The following UHRF1 variants were observed in gnomAD, a reference collection of about 807,000 sequenced individuals.
UHRF1 encodes ubiquitin like with PHD and ring finger domains 1.
In UHRF1, 9 loss-of-function variants were observed where a neutral mutation model predicts 96.5. That is an observed-to-expected ratio of 0.09 (90% CI 0.06 to 0.16). The LOEUF (loss-of-function observed/expected upper bound fraction) is 0.16, where lower values mean the gene tolerates loss of function less well. UHRF1 is among the 10% of genes least tolerant of loss of function. The pLI is 1.00. For missense variants in UHRF1, 626 were observed against 1,131.1 expected (o/e 0.55, Z 6.40); for synonymous variants, 455 against 469.9 (o/e 0.97, Z 0.41).
Position 4,950,654 on chromosome 19 carries a change from G to C in UHRF1, c.1561G>C (p.Gly521Arg). ...CTTTGCTCCCATCAATGACCAAGAA[G>C]GGGCCGAGGCCAAGGACTGGCGGTC... ...NCFAPINDQE[G>R]AEAKDWRSGK... Residue 521 changes from glycine to arginine, a missense_variant, in exon 12 of 17, where the codon GGG (glycine) becomes CGG (arginine). Transcript: ENST00000650932. 1 of 1,612,686 alleles carries C rather than the reference G, an allele frequency of 6.2e-7. No homozygotes were observed. The highest frequency in any genetic ancestry group is 8.5e-7 in the Non-Finnish European group (1 of 1,179,614).
chr19:4,932,076 G>A (rs1183411305), intron 4 of UHRF1, among the ~76,000 whole-genome samples: 1 of 151,998 alleles, frequency 6.6e-6, no homozygotes, highest in Non-Finnish European at 1.5e-5. Context: ...TTACAGGCAT[G>A]CGCCACCACG....
intron 4 of UHRF1, 84 bp from the exon 5 acceptor site, chr19:4,932,657 G>T: frequency 6.8e-7 from 1 of 1,478,282 alleles, no homozygotes; most frequent in African/African-American, 1.4e-5. Context: ...TGTCGGGAGG[G>T]GCCGTCCCAC....
chr19:4,928,345 T>G (rs1400019553), intron 2 of UHRF1, among the ~76,000 whole-genome samples: 2 of 151,264 alleles, frequency 1.3e-5, no homozygotes, highest in Admixed American at 6.6e-5. Flanking sequence ...GGGTCCTAGA[T>G]GGCAAACCAC....
chr19:4,938,735 T>TG (rs2033292702), intron 5 of UHRF1, among the ~76,000 whole-genome samples: 1 of 83,026 alleles, frequency 1.2e-5, no homozygotes, highest in Non-Finnish European at 2.3e-5. Flanking sequence ...GTCAGGTTTT[T>TG]TTTTTTTTTT....
At chr19:4,952,849 A>G (rs2033755090) in intron 13 of UHRF1, among the ~76,000 whole-genome samples, 1 of 152,096 alleles carries the variant, frequency 6.6e-6, no homozygotes, top group African/African-American at 2.4e-5. Flanking sequence ...CCTCAGAATC[A>G]CCAGAGTTTG....
rs370137822 is a variant in UHRF1, at chr19:4,932,924, G to A, written c.753G>A (p.Thr251=). 1.3e-3 allele frequency: 2,126 copies of A among 1,613,324 alleles called. 2 individuals carry two copies. The highest frequency in any genetic ancestry group is 1.7e-3 in the Non-Finnish European group (1,963 of 1,179,722). The change falls in exon 5 of 17, where the codon ACG becomes ACA. Residue 251 remains threonine (T), a synonymous_variant. Transcript: ENST00000650932. ...TCTCCAGGAAGCGCGAGACCAGGAC[G>A]GCGCGGGAACTCTACGCCAACGTGG... ...AEISRKRETR[T]ARELYANVVL... is the part of the protein sequence containing the mutation.
At chr19:4,935,289 G>A (rs1336162167) in intron 5 of UHRF1, among the ~76,000 whole-genome samples, 1 of 152,152 alleles carries the variant, frequency 6.6e-6, no homozygotes, top group African/African-American at 2.4e-5. Context: ...ATAAAGGGCA[G>A]TTCCCCTGCA....
intron 5 of UHRF1, 90 bp from the exon 6 acceptor site, chr19:4,941,438 G>T: frequency 1.0e-6 from 1 of 967,920 alleles, no homozygotes; most frequent in East Asian, 2.6e-5. Context: ...GTTGCCCCAG[G>T]CATCCCGAGA....
chr19:4,946,867 T>C (rs1221065405), intron 10 of UHRF1, among the ~76,000 whole-genome samples: 2 of 151,786 alleles, frequency 1.3e-5, no homozygotes, highest in African/African-American at 2.4e-5. Context: ...TGAGCCACCA[T>C]GCCCAGCCCT....
intron 5 of UHRF1, among the ~76,000 whole-genome samples, chr19:4,936,048 G>C (rs898061859): frequency 1.6e-4 from 25 of 152,182 alleles, no homozygotes; most frequent in Non-Finnish European, 1.0e-4. Flanking sequence ...CCACACCTTG[G>C]GGTGTTTGGG....
At chr19:4,929,656 C>T (rs1466543485) in intron 3 of UHRF1, among the ~76,000 whole-genome samples, 180 bp downstream of exon 3, 2 of 149,744 alleles carry the variant, frequency 1.3e-5, no homozygotes, top group Admixed American at 6.8e-5. Flanking sequence ...CCTGGGATTC[C>T]TTTGTGGACC....
rs2033812746 is a variant in UHRF1 at position 4,954,789 on chromosome 19, G to A, written c.2097G>A (p.Ala699=). 8.1e-6 allele frequency: 13 copies of A among 1,613,866 alleles called. No homozygotes were observed. Among genetic ancestry groups the A allele is most frequent in the Admixed American group, 1.7e-5 (1 of 60,010 alleles). ...SNAKLWNEVL[A]SLKDRPASGS... ...CCAAGCTGTGGAATGAGGTCCTGGC[G>A]TCACTCAAGGACCGGCCGGCGAGCG... Residue 699 remains alanine (A), a synonymous_variant, in exon 15 of 17, where the codon GCG becomes GCA. Coordinates refer to ENST00000650932, the MANE Select transcript of UHRF1 (RefSeq NM_001048201.3). The surrounding 1 kb of genome is among the most constrained non-coding windows in gnomAD (Gnocchi z 5.9).
intron 5 of UHRF1, among the ~76,000 whole-genome samples, chr19:4,940,158 T>C (rs1035420233): frequency 2.0e-5 from 3 of 152,122 alleles, no homozygotes; most frequent in Non-Finnish European, 2.9e-5. Context: ...ATGGAACATA[T>C]TCCAATTACT....
chr19:4,925,255 A>G (rs908389448), intron 2 of UHRF1, among the ~76,000 whole-genome samples: 1 of 152,156 alleles, frequency 6.6e-6, no homozygotes, highest in Non-Finnish European at 1.5e-5. Flanking sequence ...GTCACCTTGA[A>G]AGGAAACCCT....
intron 13 of UHRF1, among the ~76,000 whole-genome samples, chr19:4,951,487 C>T (rs2033716258): frequency 1.3e-5 from 2 of 152,088 alleles, no homozygotes; most frequent in Non-Finnish European, 2.9e-5. Context: ...GAATAATTTC[C>T]AGGGCCCCAG....
rs542736227 is a variant in UHRF1, at chr19:4,944,189, G to A, written c.1131G>A (p.Leu377=). The change falls in exon 8 of 17, where the codon CTG becomes CTA. Residue 377 remains leucine (L), a synonymous_variant. Transcript: ENST00000650932. ...ASEVVLAGER[L]RESKKKAKMA... The stretch of plus-strand genomic sequence containing the variant: ...AGGTGGTACTGGCGGGAGAGCGGCT[G>A]AGAGAGAGCAAGAAGAAGGCGAAGA... 6.2e-7 allele frequency: 1 copy of A among 1,613,898 alleles called. No individual in the cohort carries two copies. Among genetic ancestry groups the A allele is most frequent in the South Asian group, 1.1e-5 (1 of 91,080 alleles).
At chr19:4,934,476 T>A (rs1036413279) in intron 5 of UHRF1, among the ~76,000 whole-genome samples, 1 of 152,208 alleles carries the variant, frequency 6.6e-6, no homozygotes, top group Non-Finnish European at 1.5e-5. Context: ...CCCTAGCCCC[T>A]GACACCTCTG....
At chr19:4,923,249 C>T (rs2032759810) in intron 2 of UHRF1, among the ~76,000 whole-genome samples, 1 of 152,190 alleles carries the variant, frequency 6.6e-6, no homozygotes, top group Admixed American at 6.5e-5. Flanking sequence ...AGGACAGAGT[C>T]CGACCGTCTG....
intron 5 of UHRF1, among the ~76,000 whole-genome samples, chr19:4,933,576 T>C (rs895917917): frequency 6.6e-6 from 1 of 152,060 alleles, no homozygotes; most frequent in Non-Finnish European, 1.5e-5. Flanking sequence ...ATTCACAGGG[T>C]CAAAATAGAA....
Sources: allele counts gnomAD v4.1 joint callset (sites outside exome capture counted in the v4.1 genomes callset), GRCh38; gene constraint gnomAD v4.1.1; non-coding constraint Gnocchi (gnomAD v3.1); transcripts MANE v1.5; gene names NCBI Gene and HGNC (gene_info 2026-07-23, HGNC 2026-07-21).